Variants in TATDN1 observed in about 807,000 individuals in gnomAD.
TATDN1 encodes the protein deoxyribonuclease TATDN1.
In TATDN1, 40 loss-of-function variants were observed where a neutral mutation model predicts 46.4. That is an observed-to-expected ratio of 0.86 (90% confidence interval 0.67 to 1.12). The LOEUF (loss-of-function observed/expected upper bound fraction) is 1.12. Among genes scored for constraint, TATDN1 ranks in the 50% most tolerant of loss-of-function variants. The pLI, the probability that TATDN1 is intolerant of heterozygous loss-of-function variation, is 0.00. For missense variants in TATDN1, 326 were observed against 348.4 expected, an observed-to-expected ratio of 0.94 and a Z score of 0.51; for synonymous variants, 95 against 105.6, an observed-to-expected ratio of 0.90 and a Z score of 0.62.
At chr8:124,494,940 T>G (rs898458355) in intron 10 of TATDN1, 1 of 153,516 alleles carries the variant, frequency 6.5e-6, no homozygotes, top group African/African-American at 2.4e-5. Context: ...CAGGTTGGTC[T>G]TGAACTTCTG....
chr8:124,537,516 T>C (rs1188243648), intron 1 of TATDN1, among the ~76,000 whole-genome samples: 1 of 152,186 alleles, frequency 6.6e-6, no homozygotes, highest in African/African-American at 2.4e-5. Flanking sequence ...GGAGCGTAAA[T>C]GAAAGATTTG....
chr8:124,522,413 CATA>C (rs1820128295), intron 2 of TATDN1, among the ~76,000 whole-genome samples: 1 of 152,092 alleles, frequency 6.6e-6, no homozygotes, highest in South Asian at 2.1e-4. Flanking sequence ...ATCCAAAATG[CATA>C]ATGAGTTCTT....
At chr8:124,523,080 T>G (rs1174123166) in intron 1 of TATDN1, 78 bp from the exon 2 acceptor site, 1 of 1,340,458 alleles carries the variant, frequency 7.5e-7, no homozygotes, top group African/African-American at 1.5e-5. Context: ...CTTCTGTTAC[T>G]AAACTTTTTG....
chr8:124,504,013 G>A (rs983759632), intron 9 of TATDN1: 1 of 1,117,150 alleles, frequency 9.0e-7, no homozygotes, highest in Non-Finnish European at 1.2e-6. Context: ...ACCAGAGAAA[G>A]CCAGCTGCAG....
At chr8:124,531,929 C>T (rs372456450) in intron 1 of TATDN1, among the ~76,000 whole-genome samples, 2 of 152,270 alleles carry the variant, frequency 1.3e-5, no homozygotes, top group African/African-American at 4.8e-5. Context: ...GACTGGATGT[C>T]CATTTGGACC....
chr8:124,495,567 T>A (rs771712002), intron 9 of TATDN1, 25 bp from the exon 10 acceptor site: 1 of 1,559,846 alleles, frequency 6.4e-7, no homozygotes, highest in Non-Finnish European at 8.7e-7. Flanking sequence ...TATATTTATT[T>A]TAAAAGGCAG....
chr8:124,518,211 CAAAAAAAAAAAAAAAAAAAA>C (rs374487274), intron 4 of TATDN1, among the ~76,000 whole-genome samples: 2 of 34,590 alleles, frequency 5.8e-5, no homozygotes, highest in African/African-American at 1.1e-4. Context: ...GACTCTATCT[CAAAAAAAAAAAAAAAAAAAA>C]AAAAAAAAAA....
At chr8:124,535,925 G>A (rs1360344479) in intron 1 of TATDN1, among the ~76,000 whole-genome samples, 1 of 152,166 alleles carries the variant, frequency 6.6e-6, no homozygotes, top group Non-Finnish European at 1.5e-5. Flanking sequence ...CCCATGAGAT[G>A]GATGTTGGGA....
intron 10 of TATDN1, 164 bp downstream of exon 10, chr8:124,495,308 C>T: frequency 4.8e-6 from 3 of 619,216 alleles, no homozygotes; most frequent in South Asian, 3.9e-5. Context: ...TATGTTTTTC[C>T]ATTAATAACC....
intron 9 of TATDN1, among the ~76,000 whole-genome samples, chr8:124,496,813 A>G (rs1586564772): frequency 6.6e-6 from 1 of 152,070 alleles, no homozygotes; most frequent in Non-Finnish European, 1.5e-5. Flanking sequence ...GGTAATATGG[A>G]CCTCTCATAT....
At chr8:124,509,406 T>C (rs930789287) in intron 6 of TATDN1, among the ~76,000 whole-genome samples, 2 of 152,314 alleles carry the variant, frequency 1.3e-5, no homozygotes, top group East Asian at 1.9e-4. Flanking sequence ...TGTTACGTTT[T>C]CAAGAAGCTT....
chr8:124,534,787 A>T (rs1226850786), intron 1 of TATDN1, among the ~76,000 whole-genome samples: 1 of 152,250 alleles, frequency 6.6e-6, no homozygotes, highest in Non-Finnish European at 1.5e-5. Flanking sequence ...AATTACAAGC[A>T]GTAGGTTCCC....
chr8:124,538,630 G>A (rs1186942748), intron 1 of TATDN1, among the ~76,000 whole-genome samples: 1 of 152,190 alleles, frequency 6.6e-6, no homozygotes. Context: ...ATGAATGCTT[G>A]AGTGAATTGG....
At chr8:124,518,214 A>C (rs1488026728) in intron 4 of TATDN1, among the ~76,000 whole-genome samples, 1 of 41,226 alleles carries the variant, frequency 2.4e-5, no homozygotes, top group Non-Finnish European at 4.7e-5. Context: ...TCTATCTCAA[A>C]AAAAAAAAAA....
chr8:124,491,937 C>T (rs915447589), intron 11 of TATDN1, among the ~76,000 whole-genome samples: 61 of 150,530 alleles, frequency 4.1e-4, no homozygotes, highest in African/African-American at 1.4e-3. Flanking sequence ...AGCTCTGCAA[C>T]TAACTGAAGA....
At chr8:124,539,087 C>T (rs565573672), upstream of TATDN1, 7 of 1,611,264 alleles carry the variant, frequency 4.3e-6, no homozygotes, top group South Asian at 4.4e-5. Flanking sequence ...GCGGAAGTGG[C>T]CGCCGGCAAC....
chr8:124,504,130 A>C, intron 9 of TATDN1, 141 bp downstream of exon 9: 1 of 717,208 alleles, frequency 1.4e-6, no homozygotes, highest in Non-Finnish European at 2.2e-6. Context: ...TTAATAAATA[A>C]TTACTGAAAT....
chr8:124,536,626 G>A (rs928524904), intron 1 of TATDN1, among the ~76,000 whole-genome samples: 3 of 152,176 alleles, frequency 2.0e-5, no homozygotes, highest in African/African-American at 7.2e-5. Flanking sequence ...GAGAAATGTA[G>A]AAAGAATTAC....
At chr8:124,534,764 C>T (rs1434368037) in intron 1 of TATDN1, among the ~76,000 whole-genome samples, 1 of 152,222 alleles carries the variant, frequency 6.6e-6, no homozygotes, top group Non-Finnish European at 1.5e-5. Context: ...AGACTCTCCC[C>T]ATTTCAGATA....
Sources: allele counts gnomAD v4.1 joint callset (sites outside exome capture counted in the v4.1 genomes callset), GRCh38; gene constraint gnomAD v4.1.1; transcripts MANE v1.5; gene names NCBI Gene and HGNC (gene_info 2026-07-23, HGNC 2026-07-21).